Variants in TMC1 observed in about 807,000 individuals in gnomAD.
The protein encoded by TMC1 is transmembrane channel-like protein 1.
In TMC1, 84 loss-of-function variants were observed where a neutral mutation model predicts 105.8. The observed-to-expected ratio is 0.79, with a 90% confidence interval of 0.67 to 0.95. The LOEUF (loss-of-function observed/expected upper bound fraction) is 0.95. Among genes scored for constraint, TMC1 ranks in the 40% least tolerant of loss-of-function variants. The pLI is 0.00. For missense variants in TMC1, 817 were observed against 914.1 expected, an observed-to-expected ratio of 0.89 and a Z score of 1.37; for synonymous variants, 315 against 311.5, an observed-to-expected ratio of 1.01 and a Z score of -0.12.
At chr9:72,561,339 A>AAG (rs1430858243) in intron 1 of TMC1, among the ~76,000 whole-genome samples, 23 of 149,978 alleles carry the variant, frequency 1.5e-4, no homozygotes, top group African/African-American at 5.5e-4. Flanking sequence ...AAAAAAAAAA[A>AAG]AGAGAGAGAG....
intron 1 of TMC1, among the ~76,000 whole-genome samples, chr9:72,572,745 C>T (rs1824309681): frequency 6.6e-6 from 1 of 152,108 alleles, no homozygotes; most frequent in Non-Finnish European, 1.5e-5. Context: ...TCTCCCAGCA[C>T]TTTGGGAGGC....
chr9:72,662,800 G>A (rs1344645521), intron 5 of TMC1, among the ~76,000 whole-genome samples: 1 of 152,148 alleles, frequency 6.6e-6, no homozygotes, highest in Non-Finnish European at 1.5e-5. Context: ...CAGGATGTAA[G>A]TTATCTTAAT....
intron 11 of TMC1, 56 bp from the exon 12 acceptor site, chr9:72,754,730 G>C: frequency 7.4e-7 from 1 of 1,357,858 alleles, no homozygotes; most frequent in African/African-American, 1.4e-5. Context: ...GTGATCACAT[G>C]TGTGGCTCAG....
chr9:72,705,371 A>G (rs1826721434), intron 8 of TMC1, among the ~76,000 whole-genome samples: 1 of 152,210 alleles, frequency 6.6e-6, no homozygotes, highest in Admixed American at 6.5e-5. Flanking sequence ...AGTGCTTCCT[A>G]TAACTTCTCT....
At chr9:72,765,729 C>T (rs1047859670) in intron 12 of TMC1, among the ~76,000 whole-genome samples, 6 of 151,798 alleles carry the variant, frequency 4.0e-5, no homozygotes, top group Middle Eastern at 3.5e-3. Context: ...GGCAGCGGAG[C>T]GCACCTGAGA....
intron 11 of TMC1, among the ~76,000 whole-genome samples, chr9:72,754,481 A>T (rs1017506775): frequency 1.3e-5 from 2 of 152,078 alleles, no homozygotes; most frequent in African/African-American, 4.8e-5. Context: ...TCCTTTCCAG[A>T]CTTCCAAGTC....
chr9:72,679,477 CTGTT>C (rs1336738576), intron 5 of TMC1, among the ~76,000 whole-genome samples: 1 of 152,026 alleles, frequency 6.6e-6, no homozygotes, highest in Non-Finnish European at 1.5e-5. Context: ...TTGTCCTACT[CTGTT>C]TGGTTGCTAT....
intron 3 of TMC1, among the ~76,000 whole-genome samples, chr9:72,623,730 A>G (rs1209465907): frequency 6.6e-6 from 1 of 152,138 alleles, no homozygotes; most frequent in African/African-American, 2.4e-5. Context: ...TCCCAGGCCC[A>G]CAACGTTTTC....
chr9:72,744,708 A>G (rs1827460676), intron 10 of TMC1, among the ~76,000 whole-genome samples: 1 of 152,218 alleles, frequency 6.6e-6, no homozygotes, highest in Non-Finnish European at 1.5e-5. Flanking sequence ...AGAAATTTGT[A>G]ATTAATGATA....
chr9:72,830,569 A>C (rs1459090419), intron 22 of TMC1, 40 bp downstream of exon 22: 1 of 1,600,640 alleles, frequency 6.2e-7, no homozygotes, highest in Non-Finnish European at 8.6e-7. Context: ...TATCTTTATT[A>C]ATGTCAAGCA....
At chr9:72,775,423 A>C (rs113347543) in intron 13 of TMC1, among the ~76,000 whole-genome samples, 8 of 152,294 alleles carry the variant, frequency 5.3e-5, no homozygotes, top group African/African-American at 1.9e-4. Flanking sequence ...TATTGTCCTC[A>C]TTAGTTTGAA....
chr9:72,813,701 A>G (rs924053717), intron 18 of TMC1, among the ~76,000 whole-genome samples: 10 of 152,234 alleles, frequency 6.6e-5, no homozygotes, highest in African/African-American at 2.4e-4. Flanking sequence ...GGCAGTCCAG[A>G]TTTGGCACAT....
chr9:72,575,373 G>T (rs967498230), intron 1 of TMC1, among the ~76,000 whole-genome samples: 37 of 152,028 alleles, frequency 2.4e-4, no homozygotes, highest in Non-Finnish European at 3.1e-4. Flanking sequence ...TACTGACGGG[G>T]TTTCACCATA....
At chr9:72,740,842 C>T (rs1827377243) in intron 9 of TMC1, among the ~76,000 whole-genome samples, 4 of 151,934 alleles carry the variant, frequency 2.6e-5, no homozygotes, top group Admixed American at 2.6e-4. Context: ...TTCATATATC[C>T]TAACTTTCAT....
At chr9:72,800,347 C>T (rs1828449169) in intron 17 of TMC1, among the ~76,000 whole-genome samples, 1 of 152,188 alleles carries the variant, frequency 6.6e-6, no homozygotes, top group South Asian at 2.1e-4. Flanking sequence ...GAGACGTTCT[C>T]TTCTGCACAT....
intron 1 of TMC1, among the ~76,000 whole-genome samples, chr9:72,538,649 G>A (rs1823626472): frequency 6.6e-6 from 1 of 152,106 alleles, no homozygotes; most frequent in South Asian, 2.1e-4. Context: ...ATGTTGGCCA[G>A]GCTGGTCTTG....
At chr9:72,656,611 A>G (rs2132157278) in intron 5 of TMC1, among the ~76,000 whole-genome samples, 1 of 152,194 alleles carries the variant, frequency 6.6e-6, no homozygotes, top group South Asian at 2.1e-4. Flanking sequence ...GATTGATTTG[A>G]TTACTATTCT....
In TMC1 at chr9:72,674,736, T is replaced by C. The variant is rs562182957; in HGVS notation, c.17-13973T>C. Among the ~76,000 whole-genome samples, 6 of 152,330 alleles carry C rather than the reference T, an allele frequency of 3.9e-5. No homozygotes were observed. In the South Asian group the frequency reaches 1.0e-3, roughly 26 times the overall value. ...CTTGGCCTTTCCCTGCTAGAAATCCTCCAGGATTTGGGAGACAGGGGAAGA... is the reference window on the plus strand; with the variant it reads ...CTTGGCCTTTCCCTGCTAGAAATCCCCCAGGATTTGGGAGACAGGGGAAGA... On this transcript the variant is annotated intron_variant, in intron 5 of 23. Transcript: ENST00000297784.
intron 5 of TMC1, among the ~76,000 whole-genome samples, chr9:72,662,187 T>G (rs1401302863): frequency 7.3e-6 from 1 of 137,524 alleles, no homozygotes; most frequent in Non-Finnish European, 1.5e-5. Context: ...TTCTTTTTCT[T>G]TTTCTTTTTT....
Sources: allele counts gnomAD v4.1 joint callset (sites outside exome capture counted in the v4.1 genomes callset), GRCh38; gene constraint gnomAD v4.1.1; transcripts MANE v1.5; gene names NCBI Gene and HGNC (gene_info 2026-07-23, HGNC 2026-07-21).